Variants in GLIS1 observed in about 807,000 individuals in gnomAD.
GLIS1 encodes GLIS family zinc finger 1.
Under a neutral mutation model 63.8 loss-of-function variants are expected in GLIS1, and 24 were observed. That is an observed-to-expected ratio of 0.38 (90% CI 0.27 to 0.53). GLIS1 has a LOEUF of 0.53. Ranked by LOEUF, GLIS1 falls within the 20% of genes least tolerant of loss-of-function variation. The pLI is 0.85. For synonymous variants in GLIS1, 450 were observed against 482.5 expected (o/e 0.93, Z 0.88); for missense variants, 1,036 against 1,074.1 (o/e 0.96, Z 0.50).
At chr1:53,555,006 C>G (rs1000154202) in intron 4 of GLIS1, among the ~76,000 whole-genome samples, 10 of 152,198 alleles carry the variant, frequency 6.6e-5, no homozygotes, top group Non-Finnish European at 1.5e-4. Context: ...CCAAAACTGT[C>G]TCCCTGGGCA....
At chr1:53,714,549 C>T (rs1332181711) in intron 2 of GLIS1, among the ~76,000 whole-genome samples, 2 of 152,238 alleles carry the variant, frequency 1.3e-5, no homozygotes, top group Non-Finnish European at 2.9e-5. Flanking sequence ...AAATTCCAGT[C>T]CACGATGGTC....
Position 53,530,172 on chromosome 1 carries a change from T to C in GLIS1, c.1321-220A>G, listed in dbSNP as rs184024819. 6.6e-5 allele frequency among the ~76,000 whole-genome samples: 10 copies of C among 152,228 alleles called. No homozygotes were observed. The East Asian group carries it at 1.5e-3, about 24-fold the overall frequency. On this transcript the variant is annotated intron_variant, in intron 4 of 10. Coordinates refer to ENST00000628545, the MANE Select transcript of GLIS1 (RefSeq NM_001367484.1). ...GAAAAATAGCACCCTGACTTAGAAA[T>C]AGGGCGTGAGGGCTGGAGAAGAAAG... is the stretch of plus-strand genomic sequence containing the variant.
chr1:53,577,687 T>C (rs1441696746), intron 4 of GLIS1, among the ~76,000 whole-genome samples: 1 of 152,148 alleles, frequency 6.6e-6, no homozygotes, highest in Non-Finnish European at 1.5e-5. Flanking sequence ...TCTAAGCTTG[T>C]GTGCCCCTGG....
intron 2 of GLIS1, 150 bp from the exon 3 acceptor site, chr1:53,600,428 G>A (rs1645304690): frequency 7.2e-6 from 3 of 416,962 alleles, no homozygotes; most frequent in Admixed American, 4.4e-5. Flanking sequence ...AAGGTACCAG[G>A]ATACCTCATC....
Position 53,529,834 on chromosome 1 carries a change from T to C in GLIS1, c.1439A>G (p.Asn480Ser). ...CTGGTGCTTGGCGCGGTCGCTGGAG[T>C]TGCTGAAGGCCTTCTGGCAACCCGG... ...QHPGCQKAFS[N>S]SSDRAKHQRT... The change falls in exon 5 of 11, where the codon AAC (asparagine) becomes AGC (serine). Residue 480 changes from asparagine to serine, a missense_variant. Around this residue, in one of 3 missense-constraint regions of GLIS1, gnomAD observed 44 missense variants for 79.3 expected, o/e 0.55. Coordinates refer to ENST00000628545, the MANE Select transcript of GLIS1 (RefSeq NM_001367484.1). 6.2e-7 allele frequency: 1 copy of C among 1,613,416 alleles called. No individual in the cohort carries two copies. Among genetic ancestry groups the C allele is most frequent in the Non-Finnish European group, 8.5e-7 (1 of 1,179,908 alleles).
chr1:53,709,401 CATATAT>C (rs201114043), intron 2 of GLIS1, among the ~76,000 whole-genome samples: 1 of 12,050 alleles, frequency 8.3e-5, no homozygotes, highest in African/African-American at 1.7e-4. Context: ...TATACATATA[CATATAT>C]ATATACACAC....
At chr1:53,706,391 C>T (rs1269817365) in intron 2 of GLIS1, among the ~76,000 whole-genome samples, 1 of 152,238 alleles carries the variant, frequency 6.6e-6, no homozygotes, top group East Asian at 1.9e-4. Flanking sequence ...GTTCTTTTCC[C>T]TTCCTTCTTT....
chr1:53,730,993 A>G (rs1005706219), intron 2 of GLIS1, among the ~76,000 whole-genome samples: 1 of 152,238 alleles, frequency 6.6e-6, no homozygotes, highest in Admixed American at 6.5e-5. Flanking sequence ...TGCTTGGGGA[A>G]GCACGTATTC....
chr1:53,634,070 T>C (rs1036365365), intron 2 of GLIS1, among the ~76,000 whole-genome samples: 1 of 152,232 alleles, frequency 6.6e-6, no homozygotes, highest in Non-Finnish European at 1.5e-5. Flanking sequence ...GCCAAAGTTT[T>C]CATCCTGAAG....
intron 4 of GLIS1, among the ~76,000 whole-genome samples, chr1:53,546,144 G>A (rs1569797996): frequency 6.6e-6 from 1 of 152,240 alleles, no homozygotes; most frequent in Admixed American, 6.5e-5. Context: ...GCAGGGTGAC[G>A]CCACCAAGCT....
At position 53,526,890 on chromosome 1, in the gene GLIS1, T is replaced by TCCG. The variant is rs1365281494; in HGVS notation, c.1483-2006_1483-2004dup. On this transcript the variant is annotated intron_variant, in intron 5 of 10. Transcript: ENST00000628545. This position sits in a 1 kb window ranked among gnomAD's most constrained non-coding sequence, Gnocchi z 4.4. Reference sequence around the variant, plus strand: ...GGCCGTCCCCAGCCAGCAGCCAAGCTCCGCCTGGAATGGCCATGTGGGCTG... The same window carrying TCCG: ...GGCCGTCCCCAGCCAGCAGCCAAGCTCCGCCGCCTGGAATGGCCATGTGGGCTG... 6.6e-6 allele frequency among the ~76,000 whole-genome samples: 1 copy of TCCG among 152,212 alleles called. No homozygotes were observed. The highest frequency in any genetic ancestry group is 1.5e-5 in the Non-Finnish European group (1 of 68,032).
At chr1:53,640,005 T>C (rs968310004) in intron 2 of GLIS1, among the ~76,000 whole-genome samples, 3 of 152,170 alleles carry the variant, frequency 2.0e-5, no homozygotes, top group African/African-American at 7.2e-5. Flanking sequence ...TAAATATATA[T>C]GAGGTGCTTC....
Position 53,598,160 on chromosome 1 carries a change from T to TGGAAGCCCTAACATCCA in GLIS1, c.437+1940_437+1941insTGGATGTTAGGGCTTCC, listed in dbSNP as rs1553127871. ...TTGAAGCCCTAACATCCAGTTTGAC[T>TGGAAGCCCTAACATCCA]GTGTTTGGAGACAGAGCCTTTAAAT... On this transcript the variant is annotated intron_variant, in intron 3 of 10. Coordinates refer to ENST00000628545, the MANE Select transcript of GLIS1 (RefSeq NM_001367484.1). The surrounding 1 kb of genome is among the most constrained non-coding windows in gnomAD (Gnocchi z 4.6). 6.6e-6 allele frequency among the ~76,000 whole-genome samples: 1 copy of TGGAAGCCCTAACATCCA among 152,214 alleles called. No individual in the cohort carries two copies. The highest frequency in any genetic ancestry group is 1.5e-5 in the Non-Finnish European group (1 of 68,048).
intron 4 of GLIS1, among the ~76,000 whole-genome samples, chr1:53,576,786 G>T (rs926807626): frequency 1.3e-5 from 2 of 152,130 alleles, no homozygotes; most frequent in Admixed American, 6.5e-5. Flanking sequence ...CAGGCTCGAG[G>T]GCTCAACTCT....
intron 2 of GLIS1, among the ~76,000 whole-genome samples, chr1:53,660,246 C>T (rs1205171609): frequency 1.3e-5 from 2 of 152,130 alleles, no homozygotes; most frequent in African/African-American, 4.8e-5. Context: ...AAGATGAGCT[C>T]ATTTCACCCC....
At chr1:53,703,338 C>T (rs1646544271) in intron 2 of GLIS1, among the ~76,000 whole-genome samples, 1 of 152,122 alleles carries the variant, frequency 6.6e-6, no homozygotes, top group Non-Finnish European at 1.5e-5. Flanking sequence ...CCTAGAGCTG[C>T]TCAAAAGCAT....
intron 4 of GLIS1, among the ~76,000 whole-genome samples, chr1:53,556,538 G>GGTAT (rs1644830472): frequency 2.1e-5 from 2 of 93,932 alleles, no homozygotes; most frequent in African/African-American, 1.0e-4. Flanking sequence ...GTGTACTGCA[G>GGTAT]GTGTGTGTGT....
chr1:53,614,482 G>C (rs1204395654), intron 2 of GLIS1, among the ~76,000 whole-genome samples: 1 of 152,138 alleles, frequency 6.6e-6, no homozygotes, highest in Non-Finnish European at 1.5e-5. Context: ...ACGGAGGCAG[G>C]CAGTGAGGCC....
intron 7 of GLIS1, among the ~76,000 whole-genome samples, chr1:53,515,488 C>A (rs1047632556): frequency 1.3e-5 from 2 of 152,100 alleles, no homozygotes; most frequent in Admixed American, 1.3e-4. Context: ...AGGGTCCCAA[C>A]TGAGGAGAGG....
Sources: allele counts gnomAD v4.1 joint callset (sites outside exome capture counted in the v4.1 genomes callset), GRCh38; gene constraint gnomAD v4.1.1; regional missense constraint gnomAD v4.1.1; non-coding constraint Gnocchi (gnomAD v3.1); transcripts MANE v1.5; gene names NCBI Gene and HGNC (gene_info 2026-07-23, HGNC 2026-07-21).